CD53: variants seen among roughly 807,000 people sequenced by gnomAD.
CD53 encodes CD53 molecule, also known as leukocyte surface antigen CD53.
Under a neutral mutation model 27.3 loss-of-function variants are expected in CD53, and 20 were observed. The ratio of observed to expected loss-of-function variants is 0.73; its 90% CI spans 0.52 to 1.07. The LOEUF (loss-of-function observed/expected upper bound fraction) is 1.07. Among genes scored for constraint, CD53 ranks in the 50% least tolerant of loss-of-function variants. CD53 has a pLI of 0.00. For missense variants in CD53, 216 were observed against 264.0 expected (o/e 0.82, Z 1.26); for synonymous variants, 106 against 105.3 (o/e 1.01, Z -0.04).
At position 110,891,458 on chromosome 1, in the gene CD53, A is replaced by T; in HGVS notation, c.50A>T (p.Asn17Ile). ...KLLKYVLFFF[N>I]LLFWICGCCI... The stretch of plus-strand genomic sequence containing the variant: ...CTGAAGTATGTCCTGTTTTTCTTCA[A>T]CTTGCTCTTTTGGGTAAGTGTATCT... The change falls in exon 2 of 8, where the codon AAC (asparagine) becomes ATC (isoleucine). Residue 17 changes from asparagine (N) to isoleucine (I), a missense_variant. Transcript: ENST00000271324. 3 of 1,613,606 alleles carry T rather than the reference A, an allele frequency of 1.9e-6. No individual in the cohort carries two copies. Among genetic ancestry groups the T allele is most frequent in the Non-Finnish European group, 2.5e-6 (3 of 1,179,518 alleles).
intron 1 of CD53, among the ~76,000 whole-genome samples, chr1:110,876,569 C>G (rs1656137569): frequency 6.6e-6 from 1 of 152,072 alleles, no homozygotes; most frequent in Non-Finnish European, 1.5e-5. Context: ...TCTTTTAAAA[C>G]TTGTTAAAGT....
At chr1:110,892,923 G>T in intron 3 of CD53, 1 of 176,000 alleles carries the variant, frequency 5.7e-6, no homozygotes, top group Non-Finnish European at 1.2e-5. Flanking sequence ...CTAACTAATG[G>T]AAAATAATTT....
At chr1:110,896,224 A>C (rs917215926) in intron 5 of CD53, among the ~76,000 whole-genome samples, 1 of 152,214 alleles carries the variant, frequency 6.6e-6, no homozygotes, top group Admixed American at 6.5e-5. Context: ...CATAAGCCCC[A>C]TGAACTTAAA....
At chr1:110,890,127 T>A (rs553613030) in intron 1 of CD53, among the ~76,000 whole-genome samples, 1 of 152,166 alleles carries the variant, frequency 6.6e-6, no homozygotes. Context: ...GGAGATACTA[T>A]GGATTGCACA....
intron 1 of CD53, among the ~76,000 whole-genome samples, chr1:110,883,993 AAATTGTTCTTCTGTTT>A (rs1656465778): frequency 6.6e-6 from 1 of 151,876 alleles, no homozygotes; most frequent in South Asian, 2.1e-4. Flanking sequence ...GGGGTTTTTA[AAATTGTTCTTCTGTTT>A]AATTGATTTC....
At chr1:110,891,321 C>G in intron 1 of CD53, 71 bp from the exon 2 acceptor site, 3 of 1,057,098 alleles carry the variant, frequency 2.8e-6, no homozygotes, top group Non-Finnish European at 4.4e-6. Context: ...GATCCCTGAA[C>G]ATTTGTGCAC....
chr1:110,899,134 T>C lies in CD53; in HGVS notation c.599T>C (p.Met200Thr). Residue 200 changes from methionine (M) to threonine (T), a missense_variant, in exon 8 of 8, where the codon ATG becomes ACG. Transcript: ENST00000271324. Reference sequence around the variant, plus strand: ...CAACTCTTTTCACAGGTGTTGGGGATGTCCTTTGCACTGACCCTGAACTGC... The same window carrying C: ...CAACTCTTTTCACAGGTGTTGGGGACGTCCTTTGCACTGACCCTGAACTGC... ...ICVCVIEVLG[M>T]SFALTLNCQI... 1 of 1,613,776 alleles carries C rather than the reference T, an allele frequency of 6.2e-7. No individual in the cohort carries two copies. The highest frequency in any genetic ancestry group is 2.2e-5 in the East Asian group (1 of 44,870).
chr1:110,873,531 T>C lies in CD53; in HGVS notation c.-18+283T>C, dbSNP rs116027497. Among the ~76,000 whole-genome samples, 658 of 152,332 alleles carry C rather than the reference T, an allele frequency of 4.3e-3. 4 individuals carry two copies. The highest frequency in any genetic ancestry group is 0.015 in the African/African-American group (638 of 41,578). On this transcript the variant is annotated intron_variant, in intron 1 of 7. Transcript: ENST00000271324. ...TCAGAGCTTGAATTACTCTGTGTAG[T>C]AATTCCTGATGCCTGGAGCTTTCTA...
chr1:110,884,102 C>T lies in CD53; in HGVS notation c.-17-7290C>T, dbSNP rs189269867. ...TTTTTCTAGTTTCTCAAGATGCAAT[C>T]TGAAGTCATTAATTTGAGACCACTT... is the stretch of plus-strand genomic sequence containing the variant. On this transcript the variant is annotated intron_variant, in intron 1 of 7. Transcript: ENST00000271324. Among the ~76,000 whole-genome samples the T allele has an allele frequency of 4.1e-4, 63 of 152,132 alleles. 1 individual carries two copies. The East Asian group carries it at 0.01, about 25-fold the overall frequency.
At chr1:110,877,446 T>C (rs747123490) in intron 1 of CD53, among the ~76,000 whole-genome samples, 4 of 152,222 alleles carry the variant, frequency 2.6e-5, no homozygotes, top group Non-Finnish European at 5.9e-5. Flanking sequence ...CTCTGGTCTC[T>C]TGACTCTGTA....
chr1:110,894,324 C>A lies in CD53; in HGVS notation c.253-3C>A. 6.2e-7 allele frequency: 1 copy of A among 1,613,754 alleles called. No individual in the cohort carries two copies. The highest frequency in any genetic ancestry group is 8.5e-7 in the Non-Finnish European group (1 of 1,179,676). Reference sequence around the variant, plus strand: ...CTGTGAGAATGTATCTGCTTTGTCCCAGTTCTTCATCCTGCTGCTGATTAT... The same window carrying A: ...CTGTGAGAATGTATCTGCTTTGTCCAAGTTCTTCATCCTGCTGCTGATTAT... On this transcript the variant is annotated splice_region_variant and splice_polypyrimidine_tract_variant and intron_variant, in intron 3 of 7. Transcript: ENST00000271324.
chr1:110,877,870 G>A (rs1656187181), intron 1 of CD53, among the ~76,000 whole-genome samples: 1 of 152,172 alleles, frequency 6.6e-6, no homozygotes, highest in Non-Finnish European at 1.5e-5. Context: ...AGGACGTACA[G>A]CGATAACTTT....
intron 1 of CD53, among the ~76,000 whole-genome samples, chr1:110,888,872 A>C (rs1351765114): frequency 6.6e-6 from 1 of 152,202 alleles, no homozygotes; most frequent in Non-Finnish European, 1.5e-5. Flanking sequence ...GTCTGTGTTT[A>C]GCTGCTCAAG....
In CD53 at chr1:110,896,746, G is replaced by A. The variant is rs1403811338; in HGVS notation, c.504+13G>A. On this transcript the variant is annotated intron_variant, in intron 6 of 7. Transcript: ENST00000271324. ...TCGAAAAGTGGAGGTAATTTTGTCG[G>A]CAATGTTTCTGTTATTGACCTCTTT... is the stretch of plus-strand genomic sequence containing the variant. The A allele has an allele frequency of 3.1e-6, 5 of 1,609,186 alleles. No homozygotes were observed. The highest frequency in any genetic ancestry group is 4.2e-6 in the Non-Finnish European group (5 of 1,176,680).
chr1:110,896,295 G>A (rs998788942), intron 5 of CD53, among the ~76,000 whole-genome samples: 15 of 152,144 alleles, frequency 9.9e-5, no homozygotes, highest in African/African-American at 3.6e-4. Context: ...CTGTTGCATC[G>A]TGTAAGCAGG....
intron 5 of CD53, among the ~76,000 whole-genome samples, 164 bp from the exon 6 acceptor site, chr1:110,896,489 C>G (rs1469896328): frequency 2.0e-5 from 3 of 152,144 alleles, no homozygotes; most frequent in Non-Finnish European, 2.9e-5. Context: ...AATGGTATAA[C>G]AGATTAGAAA....
At chr1:110,897,932 A>T (rs755973319) in intron 7 of CD53, 40 bp downstream of exon 7, 2 of 1,166,332 alleles carry the variant, frequency 1.7e-6, no homozygotes, top group Non-Finnish European at 2.5e-6. Flanking sequence ...GGATTACATG[A>T]GTTAAGTCAG....
intron 1 of CD53, among the ~76,000 whole-genome samples, chr1:110,886,869 A>ATATATATATATATATAT (rs1298376721): frequency 1.1e-4 from 9 of 82,778 alleles, no homozygotes; most frequent in East Asian, 6.7e-4. Flanking sequence ...ATATATATAT[A>ATATATATATATATATAT]TTTTTTTTTT....
intron 1 of CD53, among the ~76,000 whole-genome samples, chr1:110,877,474 A>G (rs1014137577): frequency 6.6e-6 from 1 of 152,206 alleles, no homozygotes; most frequent in African/African-American, 2.4e-5. Flanking sequence ...TAACTGTTTT[A>G]GGTAACTGTT....
Sources: gnomAD v4.1 joint callset for allele counts (sites outside exome capture counted in the v4.1 genomes callset) on GRCh38, gnomAD v4.1.1 for gene constraint, MANE v1.5 for transcripts, NCBI Gene and HGNC (gene_info 2026-07-23, HGNC 2026-07-21) for gene names.